MAGI2: variants seen among roughly 807,000 people sequenced by gnomAD.
MAGI2 encodes the protein membrane associated guanylate kinase, WW and PDZ domain containing 2.
MAGI2 carries 35 observed loss-of-function variants against 133.3 expected under a neutral mutation model. The observed-to-expected ratio is 0.26, with a 90% CI of 0.20 to 0.35. The LOEUF (loss-of-function observed/expected upper bound fraction) is 0.35. Among genes scored for constraint, MAGI2 ranks in the 10% least tolerant of loss-of-function variants. The pLI, the probability that MAGI2 is intolerant of heterozygous loss-of-function variation, is 1.00. For missense variants in MAGI2, 1,636 were observed against 1,863.4 expected, an observed-to-expected ratio of 0.88 and a Z score of 2.25; for synonymous variants, 729 against 710.6, an observed-to-expected ratio of 1.03 and a Z score of -0.41.
At chr7:78,337,538 G>A (rs1418433375) in intron 9 of MAGI2, among the ~76,000 whole-genome samples, 1 of 152,150 alleles carries the variant, frequency 6.6e-6, no homozygotes, top group Non-Finnish European at 1.5e-5. Flanking sequence ...CTAAATTAGA[G>A]ATCACCTAGA....
At chr7:78,726,421 G>A (rs554464162) in intron 2 of MAGI2, among the ~76,000 whole-genome samples, 68 of 152,280 alleles carry the variant, frequency 4.5e-4, no homozygotes, top group African/African-American at 1.5e-3. Context: ...AACTGGAAGA[G>A]GTTAACTTCA....
At chr7:78,666,755 T>C (rs887663025) in intron 2 of MAGI2, among the ~76,000 whole-genome samples, 5 of 152,210 alleles carry the variant, frequency 3.3e-5, no homozygotes, top group Admixed American at 3.3e-4. Context: ...GAGAAAATAC[T>C]GCTCTCTTTA....
At chr7:78,190,996 T>G (rs946289280) in intron 12 of MAGI2, among the ~76,000 whole-genome samples, 1 of 152,200 alleles carries the variant, frequency 6.6e-6, no homozygotes. Context: ...TATTATCACA[T>G]ACAGAATAGT....
At chr7:78,584,956 G>A (rs969662353) in intron 3 of MAGI2, among the ~76,000 whole-genome samples, 2 of 152,190 alleles carry the variant, frequency 1.3e-5, no homozygotes, top group Admixed American at 6.5e-5. Flanking sequence ...TTTGTAGTAG[G>A]ATATCCAGGT....
chr7:78,127,216 G>A lies in MAGI2; in HGVS notation c.3404C>T (p.Ser1135Leu), dbSNP rs199588011. The A allele has an allele frequency of 8.8e-6, 14 of 1,591,758 alleles. No individual in the cohort carries two copies. Among genetic ancestry groups the A allele is most frequent in the African/African-American group, 8.1e-5 (6 of 74,166 alleles). Reference sequence around the variant, plus strand: ...AGGTACCTGGGGTTGTCTGTAGTCCGACAGAGGGTACTGCCTGGTGTCGGG... The same window carrying A: ...AGGTACCTGGGGTTGTCTGTAGTCCAACAGAGGGTACTGCCTGGTGTCGGG... ...HSPDTRQYPL[S>L]DYRQPQDFDY... Residue 1135 changes from serine to leucine, a missense_variant, in exon 19 of 22, where the codon TCG becomes TTG. Physicochemically the swap from Ser to Leu is moderately radical, Grantham distance 145. Around this residue, in one of 5 missense-constraint regions of MAGI2, gnomAD observed 920 missense variants for 1,093.5 expected, o/e 0.84. Transcript: ENST00000354212.
intron 20 of MAGI2, among the ~76,000 whole-genome samples, chr7:78,096,629 C>T (rs967548884): frequency 1.3e-5 from 2 of 152,046 alleles, no homozygotes; most frequent in African/African-American, 4.8e-5. Flanking sequence ...CAGCCCAGTG[C>T]TTGTTTTTTT....
intron 2 of MAGI2, among the ~76,000 whole-genome samples, chr7:78,951,265 C>A (rs565261822): frequency 6.6e-6 from 1 of 152,134 alleles, no homozygotes; most frequent in Admixed American, 6.6e-5. Context: ...AGCTGCCACA[C>A]CCGGCTGATG....
chr7:78,701,113 C>T (rs1243802557), intron 2 of MAGI2, among the ~76,000 whole-genome samples: 1 of 151,492 alleles, frequency 6.6e-6, no homozygotes, highest in East Asian at 1.9e-4. Context: ...TCAGTTTTTC[C>T]ATTATAAAAA....
intron 3 of MAGI2, among the ~76,000 whole-genome samples, chr7:78,581,347 A>C (rs767622220): frequency 2.0e-5 from 3 of 152,196 alleles, no homozygotes; most frequent in Non-Finnish European, 4.4e-5. Context: ...CATTTTATAC[A>C]TATACATATG....
chr7:79,164,977 T>A (rs908354362), intron 1 of MAGI2, among the ~76,000 whole-genome samples: 9 of 152,052 alleles, frequency 5.9e-5, no homozygotes, highest in African/African-American at 1.9e-4. Flanking sequence ...TGTATTAAAT[T>A]TTCCTATTTT....
chr7:78,585,704 C>A (rs564252475), intron 3 of MAGI2, among the ~76,000 whole-genome samples: 1 of 152,280 alleles, frequency 6.6e-6, no homozygotes, highest in Admixed American at 6.5e-5. Context: ...TTATGTCTAG[C>A]AGGCACCCTA....
At chr7:79,112,572 A>G (rs939855761) in intron 1 of MAGI2, among the ~76,000 whole-genome samples, 9 of 152,214 alleles carry the variant, frequency 5.9e-5, no homozygotes, top group African/African-American at 2.2e-4. Context: ...AAACTACTCC[A>G]AGACTATTGT....
intron 4 of MAGI2, among the ~76,000 whole-genome samples, chr7:78,505,481 T>C (rs1415208985): frequency 6.6e-6 from 1 of 152,178 alleles, no homozygotes; most frequent in Non-Finnish European, 1.5e-5. Context: ...GAGTCTCTTT[T>C]CTGTGGCATA....
chr7:78,551,012 T>C (rs1799292434), intron 3 of MAGI2, among the ~76,000 whole-genome samples: 1 of 152,206 alleles, frequency 6.6e-6, no homozygotes. Flanking sequence ...AATAAATTAA[T>C]AAATAATAAT....
chr7:78,298,384 A>C (rs972684540), intron 9 of MAGI2, among the ~76,000 whole-genome samples: 2 of 152,252 alleles, frequency 1.3e-5, no homozygotes, highest in Admixed American at 6.5e-5. Flanking sequence ...AGTTAATAAT[A>C]CCACATCATT....
chr7:78,697,809 C>T (rs1817671057), intron 2 of MAGI2, among the ~76,000 whole-genome samples: 2 of 152,060 alleles, frequency 1.3e-5, no homozygotes, highest in Non-Finnish European at 2.9e-5. Context: ...GTCTACATTG[C>T]CTTTCCCCAT....
chr7:78,243,969 A>ATGTT (rs1179960090), intron 10 of MAGI2, among the ~76,000 whole-genome samples: 2 of 151,788 alleles, frequency 1.3e-5, no homozygotes, highest in South Asian at 4.2e-4. Flanking sequence ...ATAAATTAGT[A>ATGTT]TGTTTCTTGA....
intron 20 of MAGI2, among the ~76,000 whole-genome samples, chr7:78,122,001 ACAG>A (rs1820517192): frequency 6.6e-6 from 1 of 152,220 alleles, no homozygotes; most frequent in Non-Finnish European, 1.5e-5. Context: ...AAGAACATGT[ACAG>A]TATGGTTCAG....
At chr7:78,766,558 C>T (rs1825046564) in intron 2 of MAGI2, among the ~76,000 whole-genome samples, 3 of 152,154 alleles carry the variant, frequency 2.0e-5, no homozygotes, top group Admixed American at 1.3e-4. Context: ...CAATGAGCCT[C>T]TTACTTGACA....
Sources: gnomAD v4.1 joint callset for allele counts (sites outside exome capture counted in the v4.1 genomes callset) on GRCh38, gnomAD v4.1.1 for gene constraint, gnomAD v4.1.1 regional missense constraint, MANE v1.5 for transcripts, NCBI Gene and HGNC (gene_info 2026-07-23, HGNC 2026-07-21) for gene names.